Variants in TPPP observed in about 807,000 individuals in gnomAD.
The protein encoded by TPPP is tubulin polymerization promoting protein.
Under a neutral mutation model 15.5 loss-of-function variants are expected in TPPP, and 6 were observed. The observed-to-expected ratio is 0.39, with a 90% CI of 0.21 to 0.77. The LOEUF is 0.77. Among genes scored for constraint, TPPP ranks in the 30% least tolerant of loss-of-function variants. The probability of loss-of-function intolerance (pLI) is 0.42; values close to 1 mark genes in which losing one functional copy is unlikely to be tolerated. For missense variants in TPPP, 269 were observed against 307.2 expected (o/e 0.88, Z 0.93); for synonymous variants, 146 against 133.9 (o/e 1.09, Z -0.63).
chr5:671,057 A>G (rs1201748892), intron 2 of TPPP, among the ~76,000 whole-genome samples: 2 of 151,982 alleles, frequency 1.3e-5, no homozygotes, highest in African/African-American at 4.8e-5. Flanking sequence ...CTCTAACCCC[A>G]GGCACACCCA....
chr5:676,608 C>G (rs767830200), intron 2 of TPPP: 1 of 152,234 alleles, frequency 6.6e-6, no homozygotes, highest in Non-Finnish European at 1.5e-5. Context: ...GCCACACAGG[C>G]GGACAGGACG....
chr5:670,190 C>T, intron 2 of TPPP, among the ~76,000 whole-genome samples: 1 of 152,156 alleles, frequency 6.6e-6, no homozygotes, highest in Non-Finnish European at 1.5e-5. Context: ...GAGGCCTGTT[C>T]CTCCGGGGCG....
chr5:664,944 G>A lies in TPPP; in HGVS notation c.*158C>T. The A allele has an allele frequency of 2.6e-6, 2 of 771,780 alleles. No individual in the cohort carries two copies. The highest frequency in any genetic ancestry group is 2.7e-5 in the East Asian group (1 of 37,564). The allele number at this position is 771,780 out of a possible 1,614,324, so 47.8% of individuals were successfully genotyped here. A position where few individuals can be genotyped will look rare whatever the true frequency, so the allele number is the denominator to read the frequency against. Reference sequence around the variant, plus strand: ...GAGTGCTGGGGGCATCCGGTAGGAGGAGGGGCAGGAGGGAGGCCTGGGCCT... The same window carrying A: ...GAGTGCTGGGGGCATCCGGTAGGAGAAGGGGCAGGAGGGAGGCCTGGGCCT... On this transcript the variant is annotated 3_prime_UTR_variant, in exon 4 of 4. Transcript: ENST00000360578.
intron 2 of TPPP, chr5:676,653 G>A (rs12516404): frequency 0.1 from 15,434 of 152,318 alleles, 1,014 homozygotes; most frequent in South Asian, 0.18. Flanking sequence ...TCTCGGGTGC[G>A]ATCATGGTGG....
intron 1 of TPPP, among the ~76,000 whole-genome samples, chr5:679,371 G>T (rs1383842392): frequency 6.8e-6 from 1 of 148,016 alleles, no homozygotes; most frequent in African/African-American, 2.7e-5. Context: ...TGCAGGGGCA[G>T]GATCCTGGTG....
chr5:686,914 G>A lies in TPPP; in HGVS notation c.-5+6364C>T, dbSNP rs374117794. Among the ~76,000 whole-genome samples the A allele has an allele frequency of 7.0e-4, 101 of 143,306 alleles. No homozygotes were observed. In the East Asian group the frequency reaches 0.018, roughly 26 times the overall value. The allele number at this position is 143,306 out of a possible 152,430, so 94.0% of individuals were successfully genotyped here. ...TGGGGCATGAGGACATGGCAACCAG[G>A]CCCTGTCTTGGAAGCAGGGAAGGGC... On this transcript the variant is annotated intron_variant, in intron 1 of 3. Transcript: ENST00000360578.
At chr5:669,360 G>A (rs889313513) in intron 2 of TPPP, among the ~76,000 whole-genome samples, 6 of 152,178 alleles carry the variant, frequency 3.9e-5, no homozygotes, top group East Asian at 1.9e-4. Flanking sequence ...CCCTTGACGC[G>A]CTCGGCGTGG....
intron 2 of TPPP, among the ~76,000 whole-genome samples, chr5:668,353 A>G (rs1425432023): frequency 9.1e-6 from 1 of 109,782 alleles, no homozygotes; most frequent in Non-Finnish European, 1.8e-5. Context: ...GGAAGTGCGG[A>G]CAAGCACACT....
rs778580707 is a variant in TPPP at position 677,932 on chromosome 5, G to A, written c.129C>T (p.Ala43=). The A allele has an allele frequency of 2.8e-5, 45 of 1,612,348 alleles. No homozygotes were observed. Among genetic ancestry groups the A allele is most frequent in the Non-Finnish European group, 3.5e-5 (41 of 1,179,772 alleles). ...LESEGAGEGA[A]ASPELSALEE... ...CCAGGGCACTGAGCTCAGGGGATGCGGCTGCCCCCTCACCAGCACCCTCCG... is the reference window on the plus strand; with the variant it reads ...CCAGGGCACTGAGCTCAGGGGATGCAGCTGCCCCCTCACCAGCACCCTCCG... Residue 43 remains alanine (A), a synonymous_variant, in exon 2 of 4, where the codon GCC becomes GCT. Transcript: ENST00000360578.
chr5:692,814 C>T (rs1269306612), intron 1 of TPPP: 5 of 951,462 alleles, frequency 5.3e-6, no homozygotes, highest in Non-Finnish European at 3.8e-6. Flanking sequence ...TCAAAACCTG[C>T]TGCGGGCAGT....
rs555207028 is a variant in TPPP at position 685,870 on chromosome 5, A to G, written c.-5+7408T>C. On this transcript the variant is annotated intron_variant, in intron 1 of 3. Transcript: ENST00000360578. ...CCCTCTGAGTGGGAGACTCAGGATT[A>G]AGGATGACAGGGAGACGCAGGTGGG... Among the ~76,000 whole-genome samples the G allele has an allele frequency of 1.4e-3, 219 of 152,300 alleles. 1 individual carries two copies. Among genetic ancestry groups the G allele is most frequent in the African/African-American group, 5.1e-3 (213 of 41,564 alleles).
At chr5:671,324 A>G (rs535827258) in intron 2 of TPPP, among the ~76,000 whole-genome samples, 2 of 152,026 alleles carry the variant, frequency 1.3e-5, no homozygotes, top group East Asian at 3.9e-4. Context: ...TGGGACGTGG[A>G]CTTGGGGCCC....
intron 2 of TPPP, among the ~76,000 whole-genome samples, chr5:674,332 G>A (rs764708495): frequency 4.1e-5 from 6 of 145,096 alleles, no homozygotes; most frequent in Non-Finnish European, 8.9e-5. Context: ...GGACACCTGA[G>A]GGGGAGGAGG....
In TPPP at chr5:665,275, C is replaced by T. The variant is rs1303367135; in HGVS notation, c.487G>A (p.Val163Met). 1 of 1,613,338 alleles carries T rather than the reference C, an allele frequency of 6.2e-7. No individual in the cohort carries two copies. The highest frequency in any genetic ancestry group is 1.3e-5 in the African/African-American group (1 of 74,880). Residue 163 changes from valine (V) to methionine (M), a missense_variant, in exon 4 of 4, where the codon GTG becomes ATG. Transcript: ENST00000360578. Reference sequence around the variant, plus strand: ...TTGGTGGTGTCCGTGAGCCTCGACACTGTGGGCGACGAGATGGCTTTCTGC... The same window carrying T: ...TTGGTGGTGTCCGTGAGCCTCGACATTGTGGGCGACGAGATGGCTTTCTGC... ...GVTKAISSPT[V>M]SRLTDTTKFT... is the part of the protein sequence containing the mutation.
chr5:677,507 G>A (rs1368578909), intron 2 of TPPP, among the ~76,000 whole-genome samples: 2 of 152,190 alleles, frequency 1.3e-5, no homozygotes, highest in African/African-American at 2.4e-5. Flanking sequence ...GGGCTGAGAG[G>A]AGCCAGGGCT....
rs1278645384 is a variant in TPPP, at chr5:677,869, G to A, written c.192C>T (p.Ala64=). 1 of 1,612,672 alleles carries A rather than the reference G, an allele frequency of 6.2e-7. No individual in the cohort carries two copies. Among genetic ancestry groups the A allele is most frequent in the African/African-American group, 1.3e-5 (1 of 74,926 alleles). ...AFRRFAVHGD[A]RATGREMHGK... is the part of the protein sequence containing the mutation. The stretch of plus-strand genomic sequence containing the variant: ...CGTGCATCTCCCTCCCGGTGGCCCT[G>A]GCGTCCCCGTGCACGGCAAAGCGCC... The change falls in exon 2 of 4, where the codon GCC becomes GCT. Residue 64 remains alanine, a synonymous_variant. Transcript: ENST00000360578.
the TPPP span, among the ~76,000 whole-genome samples, chr5:699,504 A>C: frequency 3.3e-5 from 5 of 152,104 alleles, no homozygotes; most frequent in African/African-American, 1.2e-4. Context: ...AGGACCAAAC[A>C]CTATAAAAAT....
rs913059113 is a variant in TPPP at position 661,072 on chromosome 5, A to G, written c.*4030T>C. ...GGAACACTACCTGGTTGCTTATCCTATAGCAGTAAATTAAAAATAAATAAG... is the reference window on the plus strand; with the variant it reads ...GGAACACTACCTGGTTGCTTATCCTGTAGCAGTAAATTAAAAATAAATAAG... On this transcript the variant is annotated 3_prime_UTR_variant, in exon 4 of 4. Coordinates refer to ENST00000360578, the MANE Select transcript of TPPP (RefSeq NM_007030.3). 2 of 152,396 alleles carry G rather than the reference A, an allele frequency of 1.3e-5. No individual in the cohort carries two copies. Among genetic ancestry groups the G allele is most frequent in the African/African-American group, 4.8e-5 (2 of 41,456 alleles). 9.4% of individuals were successfully genotyped at this position (152,396 alleles called of 1,614,324 possible).
chr5:696,527 C>T (rs1399393131), upstream of TPPP, among the ~76,000 whole-genome samples: 1 of 144,884 alleles, frequency 6.9e-6, no homozygotes, highest in African/African-American at 2.5e-5. Flanking sequence ...CCCTTGAGAA[C>T]CCTAACCAGC....
Sources: gnomAD v4.1 joint callset for allele counts (sites outside exome capture counted in the v4.1 genomes callset) on GRCh38, gnomAD v4.1.1 for gene constraint, MANE v1.5 for transcripts, NCBI Gene and HGNC (gene_info 2026-07-23, HGNC 2026-07-21) for gene names.